Variants in INPPL1 observed in about 807,000 individuals in gnomAD.
INPPL1 encodes the protein inositol polyphosphate phosphatase like 1.
Under a neutral mutation model 139.3 loss-of-function variants are expected in INPPL1, and 91 were observed. The ratio of observed to expected loss-of-function variants is 0.65; its 90% CI spans 0.55 to 0.78. INPPL1 has a LOEUF of 0.78. Among genes scored for constraint, INPPL1 ranks in the 30% least tolerant of loss-of-function variants. The pLI, the probability that INPPL1 is intolerant of heterozygous loss-of-function variation, is 0.00. For missense variants in INPPL1, 1,411 were observed against 1,665.6 expected, an observed-to-expected ratio of 0.85 and a Z score of 2.66; for synonymous variants, 719 against 686.6, an observed-to-expected ratio of 1.05 and a Z score of -0.74.
Position 72,235,914 on chromosome 11 carries a change from A to G in INPPL1, c.2807A>G (p.Glu936Gly), listed in dbSNP as rs368682947. 1.3e-4 allele frequency: 207 copies of G among 1,612,956 alleles called. No individual in the cohort carries two copies. Among genetic ancestry groups the G allele is most frequent in the Non-Finnish European group, 1.7e-4 (196 of 1,179,818 alleles). The change falls in exon 25 of 28, where the codon GAG (glutamate) becomes GGG (glycine). Residue 936 changes from glutamate to glycine, a missense_variant. Around this residue, in one of 5 missense-constraint regions of INPPL1, gnomAD observed 99 missense variants for 171.6 expected, o/e 0.58. Transcript: ENST00000298229. The surrounding 1 kb of genome is among the most constrained non-coding windows in gnomAD (Gnocchi z 4.9). ...CTCTCCAGGTTATTTGAAGAACCAG[A>G]GAAACCGCCACCAACGGGGAGGCCC... ...CPLSRLFEEP[E>G]KPPPTGRPPA...
intron 8 of INPPL1, 45 bp from the exon 9 acceptor site, chr11:72,230,076 G>A: frequency 6.2e-7 from 1 of 1,613,606 alleles, no homozygotes; most frequent in South Asian, 1.1e-5. Context: ...CCAGGGTGCT[G>A]CCTACTCCAA....
At chr11:72,227,528 G>C (rs1166734164) in intron 1 of INPPL1, among the ~76,000 whole-genome samples, 1 of 152,110 alleles carries the variant, frequency 6.6e-6, no homozygotes, top group Non-Finnish European at 1.5e-5. Context: ...AGGTGCGGAG[G>C]CAGAGGATCT....
At position 72,225,166 on chromosome 11, in the gene INPPL1, T is replaced by G; in HGVS notation, c.182T>G (p.Leu61Arg). 1 of 1,229,390 alleles carries G rather than the reference T, an allele frequency of 8.1e-7. No homozygotes were observed. Among genetic ancestry groups the G allele is most frequent in the Non-Finnish European group, 1.0e-6 (1 of 986,146 alleles). The allele number at this position is 1,229,390 out of a possible 1,614,324, so 76.2% of individuals were successfully genotyped here. A position where few individuals can be genotyped will look rare whatever the true frequency, so the allele number is the denominator to read the frequency against. Residue 61 changes from leucine (L) to arginine (R), a missense_variant and splice_region_variant, in exon 1 of 28, where the codon CTG becomes CGG. Transcript: ENST00000298229. ...GCGGGGGCCTTCGCGCTCTGCGTCCTGTGAGTGGGGCGGGGGCTCCTTGCG... is the reference window on the plus strand; with the variant it reads ...GCGGGGGCCTTCGCGCTCTGCGTCCGGTGAGTGGGGCGGGGGCTCCTTGCG... ...SVAGAFALCV[L>R]YQKHVHTYRI...
intron 1 of INPPL1, chr11:72,225,426 A>G (rs1948643289): frequency 1.0e-6 from 1 of 985,344 alleles, no homozygotes. Flanking sequence ...TGTGATGACG[A>G]AAAATTCGGG....
chr11:72,231,256 T>C (rs1287775002), intron 12 of INPPL1, 67 bp downstream of exon 12: 2 of 1,449,892 alleles, frequency 1.4e-6, no homozygotes, highest in African/African-American at 2.8e-5. Context: ...CCTACTTGAC[T>C]TCATGGGCAA....
upstream of INPPL1, among the ~76,000 whole-genome samples, chr11:72,224,327 G>C (rs1280365343): frequency 6.6e-6 from 1 of 151,746 alleles, no homozygotes; most frequent in African/African-American, 2.4e-5. Flanking sequence ...TGGGTGGAGG[G>C]AAGAGGATGG....
chr11:72,238,007 C>T lies in INPPL1; in HGVS notation c.3553-35C>T, dbSNP rs537831673. On this transcript the variant is annotated intron_variant, in intron 26 of 27. Transcript: ENST00000298229. Reference sequence around the variant, plus strand: ...TGACTGCAGGTGTTTCTATGGGGGGCACTCAGCTCCCCCTGACATGCCCTG... The same window carrying T: ...TGACTGCAGGTGTTTCTATGGGGGGTACTCAGCTCCCCCTGACATGCCCTG... 2.5e-5 allele frequency: 38 copies of T among 1,513,736 alleles called. No homozygotes were observed. The South Asian group carries it at 4.1e-4, about 16-fold the overall frequency. 93.8% of individuals were successfully genotyped at this position (1,513,736 alleles called of 1,614,324 possible). A position where few individuals can be genotyped will look rare whatever the true frequency, so the allele number is the denominator to read the frequency against.
In INPPL1 at chr11:72,232,683, C is replaced by T. The variant is rs1309918769; in HGVS notation, c.1770C>T (p.Leu590=). 2.5e-6 allele frequency: 4 copies of T among 1,613,884 alleles called. No homozygotes were observed. The African/African-American group carries it at 5.3e-5, about 22-fold the overall frequency. Residue 590 remains leucine, a synonymous_variant, in exon 15 of 28, where the codon CTC becomes CTT. Transcript: ENST00000298229. The stretch of plus-strand genomic sequence containing the variant: ...TGCTCTCGCTGGGCGACCGGCAGCT[C>T]AATGCCTTTGACATCTCTCTGCGTT... The part of the protein sequence containing the change: ...LRLLSLGDRQ[L]NAFDISLRFT...
rs1948741253 is a variant in INPPL1, at chr11:72,228,559, C to G, written c.397+61C>G. 1 of 1,583,254 alleles carries G rather than the reference C, an allele frequency of 6.3e-7. No individual in the cohort carries two copies. The highest frequency in any genetic ancestry group is 1.7e-5 in the Admixed American group (1 of 59,580). ...GTCCCTTGGCTCTACCTGCCTCTTC[C>G]CATCCCCCCTTCTCAACCCCACCTC... On this transcript the variant is annotated intron_variant, in intron 3 of 27. Coordinates refer to ENST00000298229, the MANE Select transcript of INPPL1 (RefSeq NM_001567.4). The surrounding 1 kb of genome is among the most constrained non-coding windows in gnomAD (Gnocchi z 5.0).
rs535482396 is a variant in INPPL1 at position 72,238,481 on chromosome 11, T to C, written c.*128T>C. The C allele has an allele frequency of 1.5e-4, 107 of 699,224 alleles. No homozygotes were observed. In the African/African-American group the frequency reaches 1.9e-3, roughly 13 times the overall value. The allele number at this position is 699,224 out of a possible 1,614,324, so 43.3% of individuals were successfully genotyped here. ...CTCTGCCTATTTATTGGGGTGCCTATTTATTGGGGATCTGCATTCCCCGCT... is the reference window on the plus strand; with the variant it reads ...CTCTGCCTATTTATTGGGGTGCCTACTTATTGGGGATCTGCATTCCCCGCT... On this transcript the variant is annotated 3_prime_UTR_variant, in exon 28 of 28. Coordinates refer to ENST00000298229, the MANE Select transcript of INPPL1 (RefSeq NM_001567.4).
chr11:72,228,229 T>TG lies in INPPL1; in HGVS notation c.224dup (p.Glu76ArgfsTer22). 1 of 1,614,126 alleles carries TG rather than the reference T, an allele frequency of 6.2e-7. No homozygotes were observed. The highest frequency in any genetic ancestry group is 8.5e-7 in the Non-Finnish European group (1 of 1,179,984). On this transcript the variant is annotated frameshift_variant, in exon 2 of 28. Transcript: ENST00000298229. LOFTEE classifies it high-confidence loss of function. This position sits in a 1 kb window ranked among gnomAD's most constrained non-coding sequence, Gnocchi z 5.0. ...TGCACACGTATCGCATTCTGCCTGA[T>TG]GGAGAAGATTTCTTGGCTGTGCAGG... is the stretch of plus-strand genomic sequence containing the variant.
At chr11:72,232,433 C>T in intron 14 of INPPL1, 97 bp downstream of exon 14, 1 of 1,274,200 alleles carries the variant, frequency 7.8e-7, no homozygotes, top group African/African-American at 1.5e-5. Context: ...CTCCCGCAGG[C>T]CTGTCTCCAG....
intron 17 of INPPL1, 80 bp downstream of exon 17, chr11:72,233,243 T>G (rs1292955751): frequency 3.1e-6 from 4 of 1,281,028 alleles, no homozygotes; most frequent in African/African-American, 1.5e-5. Flanking sequence ...GGTATGGGCC[T>G]CTGCAGCTTC....
chr11:72,230,826 C>T lies in INPPL1; in HGVS notation c.1228C>T (p.Leu410Phe). 1.9e-6 allele frequency: 3 copies of T among 1,614,022 alleles called. No homozygotes were observed. The highest frequency in any genetic ancestry group is 2.5e-6 in the Non-Finnish European group (3 of 1,179,978). The change falls in exon 11 of 28, where the codon CTC becomes TTC. Residue 410 changes from leucine to phenylalanine, a missense_variant. Physicochemically the swap from Leu to Phe is conservative, Grantham distance 22. Around this residue, in one of 5 missense-constraint regions of INPPL1, gnomAD observed 504 missense variants for 595.6 expected, o/e 0.85. Coordinates refer to ENST00000298229, the MANE Select transcript of INPPL1 (RefSeq NM_001567.4). ...GGAGGCCTTCTGCCAGCTGTTGCAG[C>T]TCATGAAGAACAAGCACTCCAAGCA... ...KREAFCQLLQLMKNKHSKQDE... is the reference protein window; with the variant it reads ...KREAFCQLLQFMKNKHSKQDE...
intron 1 of INPPL1, 117 bp downstream of exon 1, chr11:72,225,283 AC>A: frequency 8.2e-7 from 1 of 1,220,290 alleles, no homozygotes; most frequent in East Asian, 3.2e-5. Flanking sequence ...ACCCGCCTCC[AC>A]CCCCCAGAGT....
chr11:72,229,874 C>G (rs1258710622), intron 7 of INPPL1, 50 bp from the exon 8 acceptor site: 3 of 1,587,786 alleles, frequency 1.9e-6, no homozygotes, highest in Non-Finnish European at 2.6e-6. Context: ...CCCTCCCTGC[C>G]CCAGCCTTCA....
chr11:72,232,839 G>C (rs1297557369), intron 15 of INPPL1, 36 bp from the exon 16 acceptor site: 1 of 1,613,772 alleles, frequency 6.2e-7, no homozygotes, highest in Admixed American at 1.7e-5. Context: ...TCTGGCTCCG[G>C]AGGAATGTTT....
rs188213012 is a variant in INPPL1 at position 72,233,819 on chromosome 11, G to A, written c.2212+75G>A. ...AGGTGGTGGCCTCGGGATGTACATA[G>A]GTTTGACTATGTAAGTGTGTGTGTG... On this transcript the variant is annotated intron_variant, in intron 19 of 27. Transcript: ENST00000298229. 2.0e-4 allele frequency: 235 copies of A among 1,183,758 alleles called. 3 individuals carry two copies. In the East Asian group the frequency reaches 3.7e-3, roughly 18 times the overall value. 73.3% of individuals were successfully genotyped at this position (1,183,758 alleles called of 1,614,324 possible).
Position 72,235,036 on chromosome 11 carries a change from T to C in INPPL1, c.2416-80T>C. ...AGATGACCTGAGGGTGGGGATTGAG[T>C]GGTGTCAGGGGGCAGCGCGTAGGAG... is the stretch of plus-strand genomic sequence containing the variant. On this transcript the variant is annotated intron_variant, in intron 21 of 27. Coordinates refer to ENST00000298229, the MANE Select transcript of INPPL1 (RefSeq NM_001567.4). This position sits in a 1 kb window ranked among gnomAD's most constrained non-coding sequence, Gnocchi z 4.9. 8.9e-7 allele frequency: 1 copy of C among 1,120,582 alleles called. No individual in the cohort carries two copies. The highest frequency in any genetic ancestry group is 1.3e-6 in the Non-Finnish European group (1 of 757,094). 69.4% of individuals were successfully genotyped at this position (1,120,582 alleles called of 1,614,324 possible).
Sources: gnomAD v4.1 joint callset for allele counts (sites outside exome capture counted in the v4.1 genomes callset) on GRCh38, gnomAD v4.1.1 for gene constraint, gnomAD v4.1.1 regional missense constraint, Gnocchi (gnomAD v3.1) non-coding constraint, MANE v1.5 for transcripts, NCBI Gene and HGNC (gene_info 2026-07-23, HGNC 2026-07-21) for gene names.